Variants in RC3H2 observed in about 807,000 individuals in gnomAD.
RC3H2 encodes the protein roquin-2.
Under a neutral mutation model 133.3 loss-of-function variants are expected in RC3H2, and 31 were observed. The ratio of observed to expected loss-of-function variants is 0.23; its 90% CI spans 0.17 to 0.31. RC3H2 has a LOEUF of 0.31. RC3H2 is among the 10% of genes least tolerant of loss of function. The pLI is 1.00. For synonymous variants in RC3H2, 517 were observed against 502.2 expected, an observed-to-expected ratio of 1.03 and a Z score of -0.40; for missense variants, 1,175 against 1,437.2, an observed-to-expected ratio of 0.82 and a Z score of 2.95.
intron 8 of RC3H2, among the ~76,000 whole-genome samples, chr9:122,879,432 A>G (rs1422342688): frequency 1.3e-5 from 2 of 152,278 alleles, no homozygotes; most frequent in African/African-American, 4.8e-5. Flanking sequence ...ATAAATTTAC[A>G]TATAGAAATT....
chr9:122,854,671 G>A, intron 15 of RC3H2, 56 bp from the exon 16 acceptor site: 1 of 1,108,168 alleles, frequency 9.0e-7, no homozygotes, highest in Non-Finnish European at 1.4e-6. Context: ...AGTGTACTGA[G>A]GTGAATGTAT....
intron 2 of RC3H2, among the ~76,000 whole-genome samples, chr9:122,894,921 T>C (rs537533115): frequency 6.6e-6 from 1 of 152,188 alleles, no homozygotes; most frequent in Non-Finnish European, 1.5e-5. Context: ...GACTGAACGT[T>C]CTAGGCAAAG....
chr9:122,883,349 A>G lies in RC3H2; in HGVS notation c.614T>C (p.Leu205Ser). 1.9e-6 allele frequency: 3 copies of G among 1,611,030 alleles called. No individual in the cohort carries two copies. Among genetic ancestry groups the G allele is most frequent in the Non-Finnish European group, 1.7e-6 (2 of 1,178,978 alleles). Reference protein sequence around the residue: ...AMQEEALKLVLLALEDGSALS... With the variant: ...AMQEEALKLVSLALEDGSALS... ...GGCAGAACCATCTTCTAATGCCAGT[A>G]ACACCAGCTTCAAGGCCTCTTCTTG... Residue 205 changes from leucine (L) to serine (S), a missense_variant, in exon 5 of 21, where the codon TTA (leucine) becomes TCA (serine). Leu to Ser is a moderately radical substitution (Grantham distance 145). This residue lies in a region of RC3H2 where 121 missense variants were observed against 243.5 expected (regional missense o/e 0.50). Transcript: ENST00000357244.
rs558832446 is a variant in RC3H2 at position 122,851,405 on chromosome 9, T to C, written c.3149A>G (p.Asp1050Gly). 76 of 1,614,208 alleles carry C rather than the reference T, an allele frequency of 4.7e-5. No individual in the cohort carries two copies. The East Asian group carries it at 1.5e-3, about 33-fold the overall frequency. Reference protein sequence around the residue: ...LQSDYTEDATDTKPDRDIELE... With the variant: ...LQSDYTEDATGTKPDRDIELE... ...CTCGATATCCCTATCAGGTTTAGTA[T>C]CTGTTGCATCTTCTGTATAATCACT... is the stretch of plus-strand genomic sequence containing the variant. Residue 1050 changes from aspartate (D) to glycine (G), a missense_variant, in exon 19 of 21, where the codon GAT (aspartate) becomes GGT (glycine). Physicochemically the swap from Asp to Gly is moderately conservative, Grantham distance 94 (BLOSUM62 -1). Coordinates refer to ENST00000357244, the MANE Select transcript of RC3H2 (RefSeq NM_001100588.3).
At chr9:122,856,482 T>C (rs1830251715) in intron 13 of RC3H2, among the ~76,000 whole-genome samples, 2 of 152,210 alleles carry the variant, frequency 1.3e-5, no homozygotes, top group Admixed American at 6.5e-5. Flanking sequence ...ATCAAACTCC[T>C]GGGCTCAAGC....
At chr9:122,861,124 A>G (rs561276317) in intron 10 of RC3H2, among the ~76,000 whole-genome samples, 9 of 152,280 alleles carry the variant, frequency 5.9e-5, no homozygotes, top group East Asian at 1.9e-4. Context: ...TTTTAACACA[A>G]AAGAATTTTC....
At position 122,849,655 on chromosome 9, in the gene RC3H2, A is replaced by G; in HGVS notation, c.3548T>C (p.Val1183Ala). 2 of 1,613,248 alleles carry G rather than the reference A, an allele frequency of 1.2e-6. No individual in the cohort carries two copies. Among genetic ancestry groups the G allele is most frequent in the East Asian group, 2.2e-5 (1 of 44,810 alleles). Reference sequence around the variant, plus strand: ...GCTGTTAACCATCTTCCCATTTGCAACAGGTTTTAAAAAGTCGTTTTTATC... The same window carrying G: ...GCTGTTAACCATCTTCCCATTTGCAGCAGGTTTTAAAAAGTCGTTTTTATC... ...SEDKNDFLKP[V>A]ANGKMVNS The change falls in exon 21 of 21, where the codon GTT becomes GCT. Residue 1183 changes from valine to alanine, a missense_variant. Val to Ala is a moderately conservative substitution (Grantham distance 64, BLOSUM62 0). Transcript: ENST00000357244.
intron 2 of RC3H2, among the ~76,000 whole-genome samples, chr9:122,893,665 T>C (rs1436424755): frequency 3.3e-5 from 5 of 152,218 alleles, no homozygotes; most frequent in Non-Finnish European, 7.4e-5. Context: ...ACAAGTTCTC[T>C]GAATAGTATT....
chr9:122,855,208 C>T lies in RC3H2; in HGVS notation c.2791G>A (p.Ala931Thr), dbSNP rs745363821. Residue 931 changes from alanine (A) to threonine (T), a missense_variant, in exon 15 of 21, where the codon GCG (alanine) becomes ACG (threonine). Physicochemically the swap from Ala to Thr is moderately conservative, Grantham distance 58. Around this residue, in one of 8 missense-constraint regions of RC3H2, gnomAD observed 138 missense variants for 215.0 expected, o/e 0.64. Transcript: ENST00000357244. ...CCTGATACACTGATGGGCTTAGTCG[C>T]ACTTCCTTGGGAAGCAGTGGCCTGG... The part of the protein sequence containing the change: ...PVQATASQGS[A>T]TKPISVSDYV... 3.1e-6 allele frequency: 5 copies of T among 1,613,922 alleles called. No individual in the cohort carries two copies. The South Asian group carries it at 4.4e-5, about 14-fold the overall frequency.
At chr9:122,869,427 T>C (rs1365742289) in intron 9 of RC3H2, among the ~76,000 whole-genome samples, 1 of 152,192 alleles carries the variant, frequency 6.6e-6, no homozygotes. Flanking sequence ...AGTCCTTCTC[T>C]TCTCCTTCTC....
At position 122,860,161 on chromosome 9, in the gene RC3H2, G is replaced by T. The variant is rs768671508; in HGVS notation, c.1635-30C>A. On this transcript the variant is annotated intron_variant, in intron 10 of 20. Coordinates refer to ENST00000357244, the MANE Select transcript of RC3H2 (RefSeq NM_001100588.3). ...AGAGAAAATTTAACAAAGGGCAAAG[G>T]AGAAATCACTGTCTATGACTGTCCT... 4 of 1,521,496 alleles carry T rather than the reference G, an allele frequency of 2.6e-6. No individual in the cohort carries two copies. The African/African-American group carries it at 4.1e-5, about 16-fold the overall frequency. 94.2% of individuals were successfully genotyped at this position (1,521,496 alleles called of 1,614,324 possible).
chr9:122,892,662 T>A (rs1832234906), intron 3 of RC3H2, among the ~76,000 whole-genome samples: 1 of 152,168 alleles, frequency 6.6e-6, no homozygotes, highest in Non-Finnish European at 1.5e-5. Context: ...CCGCCCGCGC[T>A]GGCCTCCCAA....
At position 122,854,549 on chromosome 9, in the gene RC3H2, G is replaced by A; in HGVS notation, c.2882C>T (p.Ser961Leu). Residue 961 changes from serine to leucine, a missense_variant, in exon 16 of 21, where the codon TCA (serine) becomes TTA (leucine). Ser to Leu is a moderately radical substitution (Grantham distance 145, BLOSUM62 -2). This residue lies in a region of RC3H2 where 138 missense variants were observed against 215.0 expected (regional missense o/e 0.64). Transcript: ENST00000357244. ...WSSYGNEATS[S>L]AHYVERDRFI... is the part of the protein sequence containing the mutation. ...ACGTTACCTTTCAACATAGTGTGCT[G>A]ATGATGTGGCCTCGTTGCCATATGA... 2 of 1,612,454 alleles carry A rather than the reference G, an allele frequency of 1.2e-6. No individual in the cohort carries two copies. Among genetic ancestry groups the A allele is most frequent in the South Asian group, 2.2e-5 (2 of 91,054 alleles).
chr9:122,875,687 T>C (rs1185659164), intron 9 of RC3H2, among the ~76,000 whole-genome samples: 1 of 152,166 alleles, frequency 6.6e-6, no homozygotes, highest in African/African-American at 2.4e-5. Context: ...AAGGATGAGC[T>C]AGACAAAGGA....
At chr9:122,863,562 GT>G (rs1440501959) in intron 10 of RC3H2, among the ~76,000 whole-genome samples, 1 of 151,954 alleles carries the variant, frequency 6.6e-6, no homozygotes, top group Non-Finnish European at 1.5e-5. Flanking sequence ...CTTCAGTACT[GT>G]TTCATATGTG....
Position 122,858,679 on chromosome 9 carries a change from G to A in RC3H2, c.2273C>T (p.Pro758Leu). 3.7e-6 allele frequency: 6 copies of A among 1,608,204 alleles called. No individual in the cohort carries two copies. Among genetic ancestry groups the A allele is most frequent in the South Asian group, 1.1e-5 (1 of 91,036 alleles). The change falls in exon 12 of 21, where the codon CCT becomes CTT. Residue 758 changes from proline to leucine, a missense_variant. Transcript: ENST00000357244. ...AGCATCTTCACTTACCCTTGGTAAA[G>A]GCACAGTTGTCCTTGGCTCACTTGG... is the stretch of plus-strand genomic sequence containing the variant. ...QPPSEPRTTV[P>L]LPREPCGHLK...
intron 10 of RC3H2, among the ~76,000 whole-genome samples, chr9:122,862,016 G>C (rs1228123628): frequency 6.6e-6 from 1 of 152,128 alleles, no homozygotes; most frequent in Non-Finnish European, 1.5e-5. Context: ...GTCTATTCCA[G>C]GCACTGTGCT....
At chr9:122,871,328 C>T (rs1406563620) in intron 9 of RC3H2, among the ~76,000 whole-genome samples, 2 of 151,552 alleles carry the variant, frequency 1.3e-5, no homozygotes, top group Admixed American at 6.6e-5. Flanking sequence ...GACGGAGTCT[C>T]GCTCTGTTGC....
intron 1 of RC3H2, among the ~76,000 whole-genome samples, chr9:122,903,161 CACACTT>C (rs1478888043): frequency 2.0e-5 from 3 of 152,212 alleles, no homozygotes; most frequent in African/African-American, 4.8e-5. Flanking sequence ...AGGTAAAACT[CACACTT>C]ACACTTAAAG....
Sources: allele counts gnomAD v4.1 joint callset (sites outside exome capture counted in the v4.1 genomes callset), GRCh38; gene constraint gnomAD v4.1.1; regional missense constraint gnomAD v4.1.1; transcripts MANE v1.5; gene names NCBI Gene and HGNC (gene_info 2026-07-23, HGNC 2026-07-21).